AMPD3: variants seen among roughly 807,000 people sequenced by gnomAD.
AMPD3 encodes adenosine monophosphate deaminase 3, also known as AMP deaminase 3.
AMPD3 carries 57 observed loss-of-function variants against 82.3 expected under a neutral mutation model. That is an observed-to-expected ratio of 0.69 (90% CI 0.56 to 0.86). The LOEUF is 0.86. Among genes scored for constraint, AMPD3 ranks in the 40% least tolerant of loss-of-function variants. AMPD3 has a pLI of 0.00. For synonymous variants in AMPD3, 381 were observed against 394.7 expected (o/e 0.97, Z 0.41); for missense variants, 870 against 1,003.8 (o/e 0.87, Z 1.80).
chr11:10,469,432 C>T (rs1265385186), intron 2 of AMPD3, among the ~76,000 whole-genome samples: 1 of 152,132 alleles, frequency 6.6e-6, no homozygotes, highest in Non-Finnish European at 1.5e-5. Context: ...TACACTCTCC[C>T]AAGTCTAAAC....
intron 6 of AMPD3, chr11:10,488,474 TCGAGA>T: frequency 2.9e-5 from 5 of 173,200 alleles, no homozygotes; most frequent in Non-Finnish European, 3.5e-5. Flanking sequence ...TATGAGAGAG[TCGAGA>T]GAGTCAGAAC....
intron 7 of AMPD3, chr11:10,494,446 T>C (rs1849330193): frequency 4.4e-5 from 26 of 585,070 alleles, no homozygotes; most frequent in Non-Finnish European, 5.4e-5. Flanking sequence ...TTAAAGCCAC[T>C]GGAACTGTAT....
Position 10,483,748 on chromosome 11 carries a change from T to G in AMPD3, c.590-1072T>G, listed in dbSNP as rs1383012496. Among the ~76,000 whole-genome samples the G allele has an allele frequency of 4.6e-5, 7 of 152,376 alleles. No individual in the cohort carries two copies. In the East Asian group the frequency reaches 1.2e-3, roughly 25 times the overall value. On this transcript the variant is annotated intron_variant, in intron 4 of 14. Coordinates refer to ENST00000396553, the MANE Select transcript of AMPD3 (RefSeq NM_001025389.2). ...AGCTCTGCCTGCATCAGCCCCTCTG[T>G]GGCTCCTCACATGTGCTCTAGGGAT... is the stretch of plus-strand genomic sequence containing the variant.
intron 5 of AMPD3, among the ~76,000 whole-genome samples, chr11:10,485,701 C>T (rs1849047544): frequency 6.8e-6 from 1 of 147,948 alleles, no homozygotes; most frequent in Admixed American, 6.7e-5. Flanking sequence ...GTGATGAAGA[C>T]ATTGCTTCAG....
chr11:10,461,139 C>T, intron 1 of AMPD3: 2 of 1,199,480 alleles, frequency 1.7e-6, no homozygotes, highest in South Asian at 1.6e-5. Flanking sequence ...ACAGTATCCT[C>T]ATAGTCTGGA....
chr11:10,450,713 C>A (rs1847938201), upstream of AMPD3: 19 of 1,094,386 alleles, frequency 1.7e-5, no homozygotes, highest in Non-Finnish European at 1.9e-5. Context: ...GGCGGCGCGG[C>A]CCGGGCGCTT....
At chr11:10,461,169 C>T in intron 1 of AMPD3, 22 of 1,217,968 alleles carry the variant, frequency 1.8e-5, no homozygotes, top group Non-Finnish European at 2.3e-5. Flanking sequence ...GCTGAACTCT[C>T]TCTTGTCCCT....
Position 10,496,803 on chromosome 11 carries a change from GT to G in AMPD3, c.1431-8del. 1 of 1,614,174 alleles carries G rather than the reference GT, an allele frequency of 6.2e-7. No individual in the cohort carries two copies. ...TCCACCTGACAAGCGAGTCTTTGCT[GT>G]CCCCCAGTGACATATTTAGGTCAAA... On this transcript the variant is annotated splice_region_variant and splice_polypyrimidine_tract_variant and intron_variant, in intron 9 of 14. Coordinates refer to ENST00000396553, the MANE Select transcript of AMPD3 (RefSeq NM_001025389.2).
chr11:10,487,461 C>T, intron 6 of AMPD3, 97 bp downstream of exon 6: 2 of 1,562,796 alleles, frequency 1.3e-6, no homozygotes, highest in East Asian at 2.3e-5. Context: ...CCTGTGAGAA[C>T]TTCAGGGCTC....
intron 7 of AMPD3, 128 bp downstream of exon 7, chr11:10,493,671 C>A: frequency 9.5e-7 from 1 of 1,055,070 alleles, no homozygotes; most frequent in Non-Finnish European, 1.4e-6. Flanking sequence ...TTCTATCTGA[C>A]TGAGAGGTCA....
At chr11:10,484,616 T>C (rs1849009205) in intron 4 of AMPD3, 1 of 710,688 alleles carries the variant, frequency 1.4e-6, no homozygotes, top group Non-Finnish European at 1.7e-6. Context: ...GAAGACATCA[T>C]ATCTGAGATA....
rs116009458 is a variant in AMPD3, at chr11:10,473,932, C to T, written c.222-4594C>T. On this transcript the variant is annotated intron_variant, in intron 2 of 14. Transcript: ENST00000396553. ...CTTCTGATTCCAACCTTTATTTTAG[C>T]GTAACAATTCTCATGTGGAGGGGCT... 6.8e-3 allele frequency among the ~76,000 whole-genome samples: 1,039 copies of T among 152,252 alleles called. 13 individuals carry two copies. The highest frequency in any genetic ancestry group is 0.023 in the African/African-American group (975 of 41,542).
At position 10,457,349 on chromosome 11, in the gene AMPD3, A is replaced by G. The variant is rs376569372; in HGVS notation, c.-6+1901A>G. Among the ~76,000 whole-genome samples, 12 of 152,270 alleles carry G rather than the reference A, an allele frequency of 7.9e-5. No individual in the cohort carries two copies. The South Asian group carries it at 2.5e-3, about 32-fold the overall frequency. ...TGCGGAAGATTTTTATGGGTTCTGTAAAACAAAAAGGGTTCTGTATGTTAA... is the reference window on the plus strand; with the variant it reads ...TGCGGAAGATTTTTATGGGTTCTGTGAAACAAAAAGGGTTCTGTATGTTAA... On this transcript the variant is annotated intron_variant, in intron 1 of 14. Transcript: ENST00000396553.
In AMPD3 at chr11:10,506,230, C is replaced by T. The variant is rs1292931233; in HGVS notation, c.*346C>T. 1.2e-5 allele frequency: 4 copies of T among 333,224 alleles called. No individual in the cohort carries two copies. Among genetic ancestry groups the T allele is most frequent in the Non-Finnish European group, 2.3e-5 (4 of 173,460 alleles). 20.6% of individuals were successfully genotyped at this position (333,224 alleles called of 1,614,324 possible). A position where few individuals can be genotyped will look rare whatever the true frequency, so the allele number is the denominator to read the frequency against. On this transcript the variant is annotated 3_prime_UTR_variant, in exon 15 of 15. Coordinates refer to ENST00000396553, the MANE Select transcript of AMPD3 (RefSeq NM_001025389.2). This position sits in a 1 kb window ranked among gnomAD's most constrained non-coding sequence, Gnocchi z 4.1. ...TGCCAAGTAACATGTGGTTTTCTGCCATACTTTTCTCCATTGGCCCAGGTA... is the reference window on the plus strand; with the variant it reads ...TGCCAAGTAACATGTGGTTTTCTGCTATACTTTTCTCCATTGGCCCAGGTA...
chr11:10,498,089 G>A (rs542471973), intron 10 of AMPD3, among the ~76,000 whole-genome samples: 9 of 152,346 alleles, frequency 5.9e-5, no homozygotes, highest in South Asian at 4.1e-4. Flanking sequence ...TGACTCCAGC[G>A]ATGTACCCTG....
At chr11:10,501,677 G>A (rs12421214) in intron 12 of AMPD3, 87 bp downstream of exon 12, 100,035 of 1,609,736 alleles carry the variant, frequency 0.062, 5,247 homozygotes, top group African/African-American at 0.27. Context: ...CCAGAAGGCT[G>A]GGCCCTCTTC....
chr11:10,496,237 GA>G, intron 9 of AMPD3: 1 of 985,368 alleles, frequency 1.0e-6, no homozygotes, highest in African/African-American at 1.7e-5. Flanking sequence ...CTTGATCTTT[GA>G]AAAATATAGA....
chr11:10,473,336 CA>C, intron 2 of AMPD3: 1 of 932,962 alleles, frequency 1.1e-6, no homozygotes, highest in Non-Finnish European at 1.3e-6. Flanking sequence ...ACAGATAGTA[CA>C]GATTGCACTT....
intron 6 of AMPD3, among the ~76,000 whole-genome samples, chr11:10,489,275 G>A (rs979738592): frequency 2.0e-5 from 3 of 152,078 alleles, no homozygotes; most frequent in Admixed American, 1.3e-4. Flanking sequence ...TCAAAGAAAC[G>A]CCTTGCCCAG....
Sources: allele counts gnomAD v4.1 joint callset (sites outside exome capture counted in the v4.1 genomes callset), GRCh38; gene constraint gnomAD v4.1.1; non-coding constraint Gnocchi (gnomAD v3.1); transcripts MANE v1.5; gene names NCBI Gene and HGNC (gene_info 2026-07-23, HGNC 2026-07-21).